NUBPL: variants seen among roughly 807,000 people sequenced by gnomAD.
NUBPL encodes the protein NUBP iron-sulfur cluster assembly factor, mitochondrial, also known as iron-sulfur cluster transfer protein NUBPL.
A neutral mutation model predicts 45.7 loss-of-function variants in NUBPL; 31 were observed. The observed-to-expected ratio is 0.68, with a 90% confidence interval of 0.51 to 0.92. NUBPL has a LOEUF of 0.92. NUBPL is among the 40% of genes least tolerant of loss of function. The pLI, the probability that NUBPL is intolerant of heterozygous loss-of-function variation, is 0.00. For missense variants in NUBPL, 401 were observed against 398.7 expected (o/e 1.01, Z -0.05); for synonymous variants, 144 against 140.9 (o/e 1.02, Z -0.15).
Position 31,809,100 on chromosome 14 carries a change from A to C in NUBPL, c.608-17529A>C, listed in dbSNP as rs570780683. On this transcript the variant is annotated intron_variant, in intron 7 of 10. Coordinates refer to ENST00000281081, the MANE Select transcript of NUBPL (RefSeq NM_025152.3). ...TCTCTTTTTTTGTTTTGTCTCTGCC[A>C]GGTTTTGGTATCAGGATGATGCTGG... 3.1e-3 allele frequency among the ~76,000 whole-genome samples: 467 copies of C among 152,196 alleles called. 1 individual carries two copies. Among genetic ancestry groups the C allele is most frequent in the African/African-American group, 0.011 (447 of 41,506 alleles).
At chr14:31,685,560 A>G (rs2036933991) in intron 6 of NUBPL, among the ~76,000 whole-genome samples, 1 of 152,154 alleles carries the variant, frequency 6.6e-6, no homozygotes, top group Non-Finnish European at 1.5e-5. Flanking sequence ...GAAAGGATTC[A>G]GTGAAGAGGC....
At chr14:31,761,436 A>G (rs2038807296) in intron 6 of NUBPL, among the ~76,000 whole-genome samples, 1 of 152,210 alleles carries the variant, frequency 6.6e-6, no homozygotes, top group Non-Finnish European at 1.5e-5. Flanking sequence ...CAGCATCAAT[A>G]CAGAAATATA....
chr14:31,848,280 T>G (rs550633598), intron 9 of NUBPL, among the ~76,000 whole-genome samples: 6 of 152,302 alleles, frequency 3.9e-5, no homozygotes, highest in African/African-American at 1.4e-4. Flanking sequence ...CCATGGTGTC[T>G]CCCATGAAGT....
At chr14:31,596,823 C>T (rs1428614624) in intron 3 of NUBPL, among the ~76,000 whole-genome samples, 8 of 152,116 alleles carry the variant, frequency 5.3e-5, no homozygotes, top group African/African-American at 1.9e-4. Context: ...GATAATACCA[C>T]CTTGCAGTGT....
At chr14:31,692,074 A>T (rs2037107133) in intron 6 of NUBPL, among the ~76,000 whole-genome samples, 1 of 152,222 alleles carries the variant, frequency 6.6e-6, no homozygotes, top group African/African-American at 2.4e-5. Context: ...TAGGAAAAAT[A>T]GGCAGATATA....
intron 4 of NUBPL, among the ~76,000 whole-genome samples, chr14:31,648,464 GT>G (rs1566474978): frequency 6.6e-6 from 1 of 152,126 alleles, no homozygotes; most frequent in African/African-American, 2.4e-5. Context: ...TACTACCTAT[GT>G]TTATGATGTA....
intron 4 of NUBPL, among the ~76,000 whole-genome samples, chr14:31,637,556 G>T (rs984161061): frequency 6.6e-6 from 1 of 152,182 alleles, no homozygotes; most frequent in African/African-American, 2.4e-5. Flanking sequence ...TGAAAAAAAT[G>T]TATATTCTGT....
rs2035192040 is a variant in NUBPL at position 31,625,861 on chromosome 14, C to T, written c.382+26482C>T. ...ACCATAGTAAATAGTAGGGAATGAA[C>T]AGAAGACCATGGAAACAGAGGAACT... On this transcript the variant is annotated intron_variant, in intron 4 of 10. Coordinates refer to ENST00000281081, the MANE Select transcript of NUBPL (RefSeq NM_025152.3). Among the ~76,000 whole-genome samples, 3 of 152,236 alleles carry T rather than the reference C, an allele frequency of 2.0e-5. No individual in the cohort carries two copies. In the South Asian group the frequency reaches 6.2e-4, roughly 32 times the overall value.
At chr14:31,656,136 A>C (rs940561890) in intron 4 of NUBPL, among the ~76,000 whole-genome samples, 1 of 151,894 alleles carries the variant, frequency 6.6e-6, no homozygotes, top group Non-Finnish European at 1.5e-5. Context: ...CTACCTTCCA[A>C]CTTTTCTTCT....
intron 7 of NUBPL, among the ~76,000 whole-genome samples, chr14:31,813,860 T>G (rs183088111): frequency 6.6e-6 from 1 of 152,348 alleles, no homozygotes; most frequent in African/African-American, 2.4e-5. Context: ...ACAAAGAACA[T>G]GAACTCATCC....
intron 6 of NUBPL, among the ~76,000 whole-genome samples, chr14:31,780,374 A>G (rs1030963908): frequency 6.6e-6 from 1 of 152,018 alleles, no homozygotes; most frequent in Non-Finnish European, 1.5e-5. Flanking sequence ...CGGCTGAGAG[A>G]GCAGATTTTT....
intron 6 of NUBPL, among the ~76,000 whole-genome samples, chr14:31,708,203 G>C (rs949521702): frequency 2.0e-5 from 3 of 152,204 alleles, no homozygotes; most frequent in Admixed American, 6.5e-5. Flanking sequence ...TTGGGCTGTT[G>C]CAGGGACTGC....
At chr14:31,765,219 A>G (rs1025522509) in intron 6 of NUBPL, among the ~76,000 whole-genome samples, 6 of 152,194 alleles carry the variant, frequency 3.9e-5, no homozygotes, top group African/African-American at 1.2e-4. Flanking sequence ...TTTTGGCCCA[A>G]TGTTTCCACA....
intron 3 of NUBPL, among the ~76,000 whole-genome samples, chr14:31,582,718 A>G (rs2033896822): frequency 1.3e-5 from 2 of 152,182 alleles, no homozygotes; most frequent in African/African-American, 4.8e-5. Context: ...GTGAATATCA[A>G]TTCTTTTACA....
At chr14:31,825,803 T>TCTC (rs146422681) in intron 7 of NUBPL, among the ~76,000 whole-genome samples, 23,655 of 148,230 alleles carry the variant, frequency 0.16, 5,635 homozygotes, top group African/African-American at 0.53. Context: ...CATTTCTTCT[T>TCTC]CTCCTCCTCC....
chr14:31,802,400 T>C (rs1456486616), intron 7 of NUBPL, among the ~76,000 whole-genome samples: 1 of 151,956 alleles, frequency 6.6e-6, no homozygotes, highest in African/African-American at 2.4e-5. Flanking sequence ...CTCAGCCTCC[T>C]GAGTAGCTGG....
chr14:31,604,682 C>T (rs1262836518), intron 4 of NUBPL, among the ~76,000 whole-genome samples: 1 of 152,084 alleles, frequency 6.6e-6, no homozygotes, highest in Non-Finnish European at 1.5e-5. Flanking sequence ...TACGTTTATC[C>T]ACATTCTCTT....
chr14:31,802,151 A>G (rs903280502), intron 7 of NUBPL, among the ~76,000 whole-genome samples: 7 of 152,308 alleles, frequency 4.6e-5, no homozygotes, highest in Non-Finnish European at 8.8e-5. Context: ...GTTAATTCTC[A>G]AGGGAGTTAA....
intron 6 of NUBPL, among the ~76,000 whole-genome samples, chr14:31,754,402 A>C (rs2038602362): frequency 6.6e-6 from 1 of 152,142 alleles, no homozygotes; most frequent in African/African-American, 2.4e-5. Flanking sequence ...TTTGTAGGTA[A>C]TACATGAAAC....
Sources: gnomAD v4.1 joint callset for allele counts (sites outside exome capture counted in the v4.1 genomes callset) on GRCh38, gnomAD v4.1.1 for gene constraint, MANE v1.5 for transcripts, NCBI Gene and HGNC (gene_info 2026-07-23, HGNC 2026-07-21) for gene names.